The following DIS3L2 variants were observed in gnomAD, a reference collection of about 807,000 sequenced individuals.
The protein encoded by DIS3L2 is DIS3 like 3'-5' exoribonuclease 2.
Under a neutral mutation model 97.5 loss-of-function variants are expected in DIS3L2, and 34 were observed. That is an observed-to-expected ratio of 0.35 (90% CI 0.27 to 0.46). The LOEUF is 0.46. DIS3L2 is among the 20% of genes least tolerant of loss of function. DIS3L2 has a pLI of 1.00. For synonymous variants in DIS3L2, 435 were observed against 445.2 expected (o/e 0.98, Z 0.29); for missense variants, 1,038 against 1,146.0 (o/e 0.91, Z 1.36).
chr2:232,117,401 G>A (rs569519619), intron 6 of DIS3L2, among the ~76,000 whole-genome samples: 3 of 152,286 alleles, frequency 2.0e-5, no homozygotes, highest in East Asian at 1.9e-4. Flanking sequence ...AGGTTCTTAC[G>A]TAAATCAGAT....
At chr2:232,295,522 C>G (rs914542141) in intron 13 of DIS3L2, among the ~76,000 whole-genome samples, 8 of 152,182 alleles carry the variant, frequency 5.3e-5, no homozygotes, top group African/African-American at 1.9e-4. Flanking sequence ...TTAATGTCTT[C>G]TACTCCACCA....
At chr2:232,213,008 T>A (rs1385453796) in intron 10 of DIS3L2, among the ~76,000 whole-genome samples, 1 of 152,094 alleles carries the variant, frequency 6.6e-6, no homozygotes. Flanking sequence ...CTGTCTGATG[T>A]TATTTATGTT....
intron 17 of DIS3L2, 75 bp downstream of exon 17, chr2:232,334,062 G>A: frequency 1.3e-6 from 2 of 1,529,688 alleles, no homozygotes; most frequent in South Asian, 1.3e-5. Flanking sequence ...GGTGCTCAGT[G>A]GCCCAAGACC....
At chr2:232,139,056 A>T (rs766917892) in intron 8 of DIS3L2, among the ~76,000 whole-genome samples, 2 of 152,216 alleles carry the variant, frequency 1.3e-5, no homozygotes, top group Non-Finnish European at 1.5e-5. Flanking sequence ...GGATTTTTGC[A>T]TGTATATATC....
chr2:232,296,463 C>T (rs560742002), intron 13 of DIS3L2, among the ~76,000 whole-genome samples: 5 of 152,190 alleles, frequency 3.3e-5, no homozygotes, highest in Non-Finnish European at 7.3e-5. Context: ...TCTGTGTCCC[C>T]ACTCAAATCT....
intron 6 of DIS3L2, among the ~76,000 whole-genome samples, chr2:232,099,220 ATT>A (rs572085302): frequency 3.5e-5 from 5 of 143,120 alleles, no homozygotes; most frequent in Admixed American, 7.0e-5. Context: ...TATTTTTTGT[ATT>A]TTTTTTTTTT....
intron 6 of DIS3L2, among the ~76,000 whole-genome samples, chr2:232,125,231 A>G (rs2106344902): frequency 6.6e-6 from 1 of 152,390 alleles, no homozygotes; most frequent in South Asian, 2.1e-4. Context: ...GCTTGCCAGC[A>G]GTCATGAACA....
chr2:232,301,651 G>A (rs929531686), intron 14 of DIS3L2, among the ~76,000 whole-genome samples: 6 of 152,134 alleles, frequency 3.9e-5, no homozygotes, highest in Admixed American at 2.0e-4. Flanking sequence ...AGGAAGGATT[G>A]ACCAGACATC....
intron 14 of DIS3L2, among the ~76,000 whole-genome samples, chr2:232,302,259 G>A (rs1385719862): frequency 2.0e-5 from 3 of 151,816 alleles, no homozygotes; most frequent in African/African-American, 7.3e-5. Flanking sequence ...AGTGGGGAGG[G>A]ATAGCATTAG....
intron 1 of DIS3L2, among the ~76,000 whole-genome samples, chr2:231,984,351 A>G (rs1693348714): frequency 6.8e-6 from 1 of 146,072 alleles, no homozygotes; most frequent in Admixed American, 6.8e-5. Flanking sequence ...CCCAGGCTGG[A>G]GTGAGTGGCG....
At chr2:232,088,390 C>CAAAAAAAAAAAA (rs778505065) in intron 6 of DIS3L2, among the ~76,000 whole-genome samples, 20 of 55,326 alleles carry the variant, frequency 3.6e-4, no homozygotes, top group Non-Finnish European at 5.7e-4. Context: ...ACTAAAAATA[C>CAAAAAAAAAAAA]AAAAAAAAAA....
At position 232,297,015 on chromosome 2, in the gene DIS3L2, TGGG is replaced by T. The variant is rs528652413; in HGVS notation, c.1660-3023_1660-3021del. Among the ~76,000 whole-genome samples, 505 of 152,308 alleles carry T rather than the reference TGGG, an allele frequency of 3.3e-3. 3 individuals are homozygous for T. The highest frequency in any genetic ancestry group is 0.014 in the Middle Eastern group (4 of 294). On this transcript the variant is annotated intron_variant, in intron 13 of 20. Transcript: ENST00000325385. Reference sequence around the variant, plus strand: ...AAGTGCTGGTCACCACAGCATTGTGTGGGGTCTGGGAGGCAGATGCCAGATGTT... The same window carrying T: ...AAGTGCTGGTCACCACAGCATTGTGTGTCTGGGAGGCAGATGCCAGATGTT...
chr2:232,159,453 A>G (rs1266790010), intron 8 of DIS3L2, among the ~76,000 whole-genome samples: 4 of 152,196 alleles, frequency 2.6e-5, no homozygotes, highest in Non-Finnish European at 5.9e-5. Context: ...AGTCACACAC[A>G]GTGTACTGGA....
intron 9 of DIS3L2, among the ~76,000 whole-genome samples, chr2:232,168,868 G>C (rs1407392725): frequency 6.6e-6 from 1 of 152,178 alleles, no homozygotes; most frequent in Admixed American, 6.5e-5. Flanking sequence ...ATTTGGATCT[G>C]ATAACCTTTT....
intron 11 of DIS3L2, among the ~76,000 whole-genome samples, chr2:232,248,750 C>G (rs1693334485): frequency 6.6e-6 from 1 of 152,198 alleles, no homozygotes; most frequent in Non-Finnish European, 1.5e-5. Flanking sequence ...TTGAAGTAGT[C>G]TCTTAATGTT....
chr2:232,336,665 G>T lies in DIS3L2; in HGVS notation c.*35G>T. 6.4e-7 allele frequency: 1 copy of T among 1,550,444 alleles called. No individual in the cohort carries two copies. Among genetic ancestry groups the T allele is most frequent in the Non-Finnish European group, 8.7e-7 (1 of 1,151,692 alleles). On this transcript the variant is annotated 3_prime_UTR_variant, in exon 21 of 21. Coordinates refer to ENST00000325385, the MANE Select transcript of DIS3L2 (RefSeq NM_152383.5). ...GCCGCCTGCCCCGCCTGCCCCGCCT[G>T]CCTGTCCCGCCACACTGGCTTTAGG...
chr2:232,176,796 T>TTAATTA (rs1559706524), intron 9 of DIS3L2, among the ~76,000 whole-genome samples: 1 of 149,102 alleles, frequency 6.7e-6, no homozygotes, highest in Non-Finnish European at 1.5e-5. Context: ...TTAATTAATT[T>TTAATTA]ATTATTATTA....
At chr2:232,098,994 GA>G (rs1415766498) in intron 6 of DIS3L2, among the ~76,000 whole-genome samples, 1 of 151,774 alleles carries the variant, frequency 6.6e-6, no homozygotes, top group Non-Finnish European at 1.5e-5. Flanking sequence ...TCTTTATTAA[GA>G]TTTTATTAAG....
intron 6 of DIS3L2, among the ~76,000 whole-genome samples, chr2:232,123,988 C>G (rs554223715): frequency 6.6e-6 from 1 of 152,228 alleles, no homozygotes; most frequent in East Asian, 1.9e-4. Context: ...GAAATTCTTT[C>G]AAAAGAAAGG....
Sources: gnomAD v4.1 joint callset for allele counts (sites outside exome capture counted in the v4.1 genomes callset) on GRCh38, gnomAD v4.1.1 for gene constraint, MANE v1.5 for transcripts, NCBI Gene and HGNC (gene_info 2026-07-23, HGNC 2026-07-21) for gene names.